Variants in ZFC3H1 observed in about 807,000 individuals in gnomAD.
ZFC3H1 encodes zinc finger C3H1-type containing.
ZFC3H1 carries 71 observed loss-of-function variants against 243.7 expected under a neutral mutation model. That is an observed-to-expected ratio of 0.29 (90% CI 0.24 to 0.36). ZFC3H1 has a LOEUF of 0.36. Ranked by LOEUF, ZFC3H1 falls within the 10% of genes least tolerant of loss-of-function variation. The pLI is 1.00. For synonymous variants in ZFC3H1, 838 were observed against 813.0 expected, an observed-to-expected ratio of 1.03 and a Z score of -0.52; for missense variants, 1,966 against 2,317.1, an observed-to-expected ratio of 0.85 and a Z score of 3.11.
At chr12:71,622,438 T>C (rs1171397408) in intron 24 of ZFC3H1, among the ~76,000 whole-genome samples, 2 of 152,180 alleles carry the variant, frequency 1.3e-5, no homozygotes, top group East Asian at 1.9e-4. Context: ...CAAATAATTC[T>C]ATAAATCACA....
intron 5 of ZFC3H1, among the ~76,000 whole-genome samples, chr12:71,643,218 C>G (rs991841795): frequency 3.9e-5 from 6 of 152,072 alleles, no homozygotes. Flanking sequence ...CAAGACCAGC[C>G]TGGCCAACAT....
intron 2 of ZFC3H1, among the ~76,000 whole-genome samples, chr12:71,650,013 C>T (rs933643772): frequency 6.6e-6 from 1 of 152,168 alleles, no homozygotes; most frequent in African/African-American, 2.4e-5. Flanking sequence ...ATGGTGAAAC[C>T]CTGTCTCTAC....
chr12:71,620,253 G>A lies in ZFC3H1; in HGVS notation c.4807C>T (p.Pro1603Ser). 6.2e-7 allele frequency: 1 copy of A among 1,614,160 alleles called. No homozygotes were observed. Among genetic ancestry groups the A allele is most frequent in the Non-Finnish European group, 8.5e-7 (1 of 1,180,030 alleles). Residue 1603 changes from proline to serine, a missense_variant, in exon 25 of 35, where the codon CCA (proline) becomes TCA (serine). Physicochemically the swap from Pro to Ser is moderately conservative, Grantham distance 74. Coordinates refer to ENST00000378743, the MANE Select transcript of ZFC3H1 (RefSeq NM_144982.5). Reference sequence around the variant, plus strand: ...AGAGCAATCATGTTTGTGTAAAGTGGAAGGCAGGCCTCTATTCTTTCCTCA... The same window carrying A: ...AGAGCAATCATGTTTGTGTAAAGTGAAAGGCAGGCCTCTATTCTTTCCTCA... ...AVEERIEACL[P>S]LYTNMIALHQ... is the part of the protein sequence containing the mutation.
In ZFC3H1 at chr12:71,614,580, A is replaced by T. The variant is rs1168319277; in HGVS notation, c.5481T>A (p.Pro1827=). Residue 1827 remains proline (P), a synonymous_variant, in exon 30 of 35, where the codon CCT becomes CCA. Coordinates refer to ENST00000378743, the MANE Select transcript of ZFC3H1 (RefSeq NM_144982.5). ...TGGACCAGTAATCAGCACTGCTAAA[A>T]GGAATGGGGTATCGGGCAGGGACTG... ...LVTVPARYPI[P]FSSADYWSNY... is the part of the protein sequence containing the mutation. 1 of 1,612,070 alleles carries T rather than the reference A, an allele frequency of 6.2e-7. No homozygotes were observed. The highest frequency in any genetic ancestry group is 1.3e-5 in the African/African-American group (1 of 74,844).
Position 71,619,916 on chromosome 12 carries a change from T to G in ZFC3H1, c.5049+10A>C. ...AAGCATCATATTTAAGAATTATGCA[T>G]CATTTTTACCTGTAAGATGAAGAAT... On this transcript the variant is annotated intron_variant, in intron 26 of 34. Coordinates refer to ENST00000378743, the MANE Select transcript of ZFC3H1 (RefSeq NM_144982.5). 6.4e-7 allele frequency: 1 copy of G among 1,570,558 alleles called. No individual in the cohort carries two copies. The highest frequency in any genetic ancestry group is 8.6e-7 in the Non-Finnish European group (1 of 1,159,082).
intron 1 of ZFC3H1, 62 bp downstream of exon 1, chr12:71,662,951 A>G (rs1167846451): frequency 3.4e-6 from 5 of 1,452,894 alleles, no homozygotes; most frequent in Non-Finnish European, 4.6e-6. Context: ...TCACAGACCT[A>G]GTAATGACGC....
chr12:71,614,849 T>C lies in ZFC3H1; in HGVS notation c.5345A>G (p.Gln1782Arg), dbSNP rs1879856403. 1 of 1,613,420 alleles carries C rather than the reference T, an allele frequency of 6.2e-7. No individual in the cohort carries two copies. The highest frequency in any genetic ancestry group is 1.3e-5 in the African/African-American group (1 of 75,034). ...CTAAACTTACTCCATCCATATCTTC[T>C]GTACTATATCACATCTCATAGCCAC... ...LGVAMRCDIV[Q>R]KIWMDYLVFA... The change falls in exon 29 of 35, where the codon CAG becomes CGG. Residue 1782 changes from glutamine (Q) to arginine (R), a missense_variant. This residue lies in a region of ZFC3H1 where 1,383 missense variants were observed against 1,723.7 expected (regional missense o/e 0.80). Coordinates refer to ENST00000378743, the MANE Select transcript of ZFC3H1 (RefSeq NM_144982.5).
At chr12:71,610,823 C>T in intron 33 of ZFC3H1, 66 bp from the exon 34 acceptor site, 3 of 1,523,998 alleles carry the variant, frequency 2.0e-6, no homozygotes, top group Non-Finnish European at 2.7e-6. Context: ...ATAATTCCAT[C>T]TGTTTAAAGA....
At chr12:71,660,348 C>T (rs1364519472) in intron 1 of ZFC3H1, 1 of 152,132 alleles carries the variant, frequency 6.6e-6, no homozygotes, top group African/African-American at 2.4e-5. Flanking sequence ...AAGAACACCA[C>T]CTCTAGGATG....
intron 27 of ZFC3H1, 41 bp downstream of exon 27, chr12:71,619,272 GCT>G (rs759827300): frequency 8.3e-6 from 13 of 1,559,262 alleles, no homozygotes; most frequent in East Asian, 2.3e-5. Context: ...ACTGAACTGT[GCT>G]CTCTCTCATT....
intron 6 of ZFC3H1, 106 bp from the exon 7 acceptor site, chr12:71,638,621 T>C (rs1880525931): frequency 2.2e-6 from 2 of 897,744 alleles, no homozygotes; most frequent in East Asian, 5.7e-5. Context: ...GAGTGCAAAT[T>C]AGATTTTATC....
rs1879727989 is a variant in ZFC3H1 at position 71,609,979 on chromosome 12, A to C, written c.*449T>G. The C allele has an allele frequency of 6.5e-6, 1 of 152,838 alleles. No homozygotes were observed. The highest frequency in any genetic ancestry group is 2.4e-5 in the African/African-American group (1 of 41,452). 9.5% of individuals were successfully genotyped at this position (152,838 alleles called of 1,614,324 possible). A position where few individuals can be genotyped will look rare whatever the true frequency, so the allele number is the denominator to read the frequency against. ...AATGAAGAATCTCAAAAAAATTTAA[A>C]AAGGAAAAACTAAAAGGGACTGCCT... On this transcript the variant is annotated 3_prime_UTR_variant, in exon 35 of 35. Coordinates refer to ENST00000378743, the MANE Select transcript of ZFC3H1 (RefSeq NM_144982.5).
At chr12:71,661,831 T>C (rs1881185474) in intron 1 of ZFC3H1, among the ~76,000 whole-genome samples, 1 of 152,188 alleles carries the variant, frequency 6.6e-6, no homozygotes. Context: ...ACCCAACTTT[T>C]GGTTGCAGAA....
Position 71,663,383 on chromosome 12 carries a change from C to G in ZFC3H1, c.228G>C (p.Ser76=). Residue 76 remains serine (S), a synonymous_variant, in exon 1 of 35, where the codon TCG becomes TCC. Transcript: ENST00000378743. ...SGGGGGSSSS[S]SSSQQQLRNF... ...TCCTCAGCTGCTGCTGAGAAGAGGA[C>G]GATGACGAGGAAGAGCCACCGCCTC... 2 of 1,612,442 alleles carry G rather than the reference C, an allele frequency of 1.2e-6. No individual in the cohort carries two copies. Among genetic ancestry groups the G allele is most frequent in the Non-Finnish European group, 1.7e-6 (2 of 1,180,026 alleles).
At chr12:71,642,688 A>C (rs751091667) in intron 5 of ZFC3H1, 129 bp from the exon 6 acceptor site, 3 of 1,058,118 alleles carry the variant, frequency 2.8e-6, no homozygotes, top group Non-Finnish European at 4.0e-6. Context: ...TGTGCCTATC[A>C]CATCTTTGGG....
chr12:71,659,956 A>G (rs1168559816), intron 1 of ZFC3H1, among the ~76,000 whole-genome samples: 2 of 152,234 alleles, frequency 1.3e-5, no homozygotes, highest in African/African-American at 4.8e-5. Flanking sequence ...GTACTGACAA[A>G]GTGTCTATCA....
chr12:71,610,796 T>C (rs754048031), intron 33 of ZFC3H1, 39 bp from the exon 34 acceptor site: 284 of 1,584,874 alleles, frequency 1.8e-4, no homozygotes, highest in Non-Finnish European at 2.3e-4. Context: ...TCAGAAAATA[T>C]AATGAAAAAC....
rs757892160 is a variant in ZFC3H1, at chr12:71,663,498, C to G, written c.113G>C (p.Ser38Thr). ...GCCGCTGCTGCTGCTGCTGCTCCGACTCCGTATCTGGCTGTTATTATCGTC... is the reference window on the plus strand; with the variant it reads ...GCCGCTGCTGCTGCTGCTGCTCCGAGTCCGTATCTGGCTGTTATTATCGTC... The part of the protein sequence containing the change: ...SDDDNNSQIR[S>T]RSSSSSSGGG... The change falls in exon 1 of 35, where the codon AGT becomes ACT. Residue 38 changes from serine to threonine, a missense_variant. Ser to Thr is a moderately conservative substitution (Grantham distance 58, BLOSUM62 1). Transcript: ENST00000378743. The G allele has an allele frequency of 6.2e-7, 1 of 1,613,390 alleles. No homozygotes were observed. The highest frequency in any genetic ancestry group is 1.3e-5 in the African/African-American group (1 of 74,962).
At chr12:71,658,604 G>A (rs530761380) in intron 1 of ZFC3H1, among the ~76,000 whole-genome samples, 27 of 152,050 alleles carry the variant, frequency 1.8e-4, no homozygotes, top group African/African-American at 6.3e-4. Flanking sequence ...ATTATTTTCA[G>A]TTGGCTAGGA....
Sources: gnomAD v4.1 joint callset for allele counts (sites outside exome capture counted in the v4.1 genomes callset) on GRCh38, gnomAD v4.1.1 for gene constraint, gnomAD v4.1.1 regional missense constraint, MANE v1.5 for transcripts, NCBI Gene and HGNC (gene_info 2026-07-23, HGNC 2026-07-21) for gene names.